RANBP2: variants seen among roughly 807,000 people sequenced by gnomAD.
RANBP2 encodes the protein RAN binding protein 2.
RANBP2 carries 57 observed loss-of-function variants against 303.6 expected under a neutral mutation model. The ratio of observed to expected loss-of-function variants is 0.19; its 90% CI spans 0.15 to 0.23. RANBP2 has a LOEUF of 0.23. Among genes scored for constraint, RANBP2 ranks in the 10% least tolerant of loss-of-function variants. RANBP2 has a pLI of 1.00. For missense variants in RANBP2, 3,138 were observed against 3,780.8 expected (o/e 0.83, Z 4.46); for synonymous variants, 1,167 against 1,301.5 (o/e 0.90, Z 2.23).
the RANBP2 span, among the ~76,000 whole-genome samples, chr2:109,223,960 C>T: frequency 6.6e-6 from 1 of 152,100 alleles, no homozygotes; most frequent in Non-Finnish European, 1.5e-5. Flanking sequence ...CATGATTGTG[C>T]CACTGCACTC....
At chr2:109,437,296 T>G in the RANBP2 span, 1 of 1,304,114 alleles carries the variant, frequency 7.7e-7, no homozygotes, top group Non-Finnish European at 1.0e-6. Flanking sequence ...GGAAAACCGG[T>G]TTGGCCCCAG....
At chr2:109,372,338 T>C in the RANBP2 span, among the ~76,000 whole-genome samples, 3 of 152,194 alleles carry the variant, frequency 2.0e-5, no homozygotes, top group African/African-American at 7.2e-5. Context: ...TGGGGCTGTG[T>C]GTGTATGTAG....
chr2:109,147,590 G>A, the RANBP2 span, among the ~76,000 whole-genome samples: 1 of 152,172 alleles, frequency 6.6e-6, no homozygotes, highest in East Asian at 1.9e-4. Flanking sequence ...AATTATTCAG[G>A]AGGGTTATAT....
chr2:109,555,316 C>T, the RANBP2 span, among the ~76,000 whole-genome samples: 1 of 152,208 alleles, frequency 6.6e-6, no homozygotes, highest in Non-Finnish European at 1.5e-5. Context: ...GTTTCAGCCA[C>T]ACCAACCTGT....
At chr2:109,347,030 G>T in the RANBP2 span, among the ~76,000 whole-genome samples, 1 of 152,120 alleles carries the variant, frequency 6.6e-6, no homozygotes, top group African/African-American at 2.4e-5. Context: ...TGTGTGTACC[G>T]CTGGCCATGA....
the RANBP2 span, among the ~76,000 whole-genome samples, chr2:108,795,133 T>G: frequency 6.6e-6 from 1 of 151,376 alleles, no homozygotes; most frequent in African/African-American, 2.4e-5. Context: ...CTTTCGGGTT[T>G]TTTGTTTCTA....
chr2:109,661,885 A>C, the RANBP2 span, among the ~76,000 whole-genome samples: 1 of 152,084 alleles, frequency 6.6e-6, no homozygotes, highest in African/African-American at 2.4e-5. Context: ...CCCAGCTACA[A>C]ACCTTTGAGT....
chr2:108,845,033 A>G, the RANBP2 span, among the ~76,000 whole-genome samples: 1 of 151,892 alleles, frequency 6.6e-6, no homozygotes, highest in South Asian at 2.1e-4. Flanking sequence ...GGCGTGAGCC[A>G]CTGTGCCTGG....
the RANBP2 span, among the ~76,000 whole-genome samples, chr2:109,233,034 C>T: frequency 4.2e-3 from 640 of 152,176 alleles, 3 homozygotes; most frequent in African/African-American, 0.014. Context: ...ATGGGAAGCA[C>T]GCAGATGAGT....
At chr2:109,317,126 C>CTCATGAAATGTTTTCATGAGATGTAAGTT in the RANBP2 span, among the ~76,000 whole-genome samples, 2 of 151,988 alleles carry the variant, frequency 1.3e-5, no homozygotes, top group South Asian at 4.2e-4. Flanking sequence ...GAGTGGGTTT[C>CTCATGAAATGTTTTCATGAGATGTAAGTT]TCATGAAATG....
At chr2:109,273,821 C>T in the RANBP2 span, among the ~76,000 whole-genome samples, 1 of 152,054 alleles carries the variant, frequency 6.6e-6, no homozygotes, top group African/African-American at 2.4e-5. Flanking sequence ...AGACCAGGCT[C>T]AGCATACATG....
the RANBP2 span, among the ~76,000 whole-genome samples, chr2:109,709,037 T>A: frequency 6.6e-6 from 1 of 151,104 alleles, no homozygotes; most frequent in Non-Finnish European, 1.5e-5. Context: ...GTGCAGTGGG[T>A]CACGCCTATA....
intron 1 of RANBP2, among the ~76,000 whole-genome samples, chr2:108,728,488 T>C (rs1228385659): frequency 6.6e-6 from 1 of 151,942 alleles, no homozygotes; most frequent in East Asian, 1.9e-4. Context: ...CAGGATCTTG[T>C]TGTGTTGCAC....
chr2:108,879,256 A>T, the RANBP2 span, among the ~76,000 whole-genome samples: 1 of 152,240 alleles, frequency 6.6e-6, no homozygotes, highest in African/African-American at 2.4e-5. Flanking sequence ...ACAAGCATGA[A>T]CCAATGTGCC....
chr2:109,325,943 A>G, the RANBP2 span, among the ~76,000 whole-genome samples: 1 of 152,366 alleles, frequency 6.6e-6, no homozygotes, highest in African/African-American at 2.4e-5. Flanking sequence ...TTTATTTTTA[A>G]TGATATTTTC....
the RANBP2 span, chr2:108,794,510 T>C: frequency 1.3e-6 from 2 of 1,565,312 alleles, no homozygotes; most frequent in Admixed American, 3.8e-5. Flanking sequence ...GTTAATAAAG[T>C]TTATAATGCA....
the RANBP2 span, among the ~76,000 whole-genome samples, chr2:109,279,504 G>A: frequency 6.6e-6 from 1 of 152,130 alleles, no homozygotes; most frequent in Non-Finnish European, 1.5e-5. Flanking sequence ...TTTAACTGGG[G>A]AAGTCGCCAC....
the RANBP2 span, among the ~76,000 whole-genome samples, chr2:109,346,646 G>A: frequency 1.2e-4 from 18 of 152,098 alleles, no homozygotes; most frequent in African/African-American, 1.7e-4. Context: ...GGGCCAGTTA[G>A]AGAAGCCCAG....
the RANBP2 span, among the ~76,000 whole-genome samples, chr2:109,258,115 A>C: frequency 6.6e-6 from 1 of 152,206 alleles, no homozygotes; most frequent in Non-Finnish European, 1.5e-5. Context: ...ACCGGCCCAG[A>C]CATTGGAAAC....
Sources: allele counts gnomAD v4.1 joint callset (sites outside exome capture counted in the v4.1 genomes callset), GRCh38; gene constraint gnomAD v4.1.1; transcripts MANE v1.5; gene names NCBI Gene and HGNC (gene_info 2026-07-23, HGNC 2026-07-21).